The following TMEM243 variants were observed in gnomAD, a reference collection of about 807,000 sequenced individuals.
TMEM243 encodes transmembrane protein 243.
TMEM243 carries 20 observed loss-of-function variants against 15.0 expected under a neutral mutation model. The observed-to-expected ratio is 1.33, with a 90% CI of 0.94 to 1.93. The LOEUF is 1.93. TMEM243 is among the 30% of genes most tolerant of loss of function. The probability of loss-of-function intolerance (pLI) is 0.00; values close to 1 mark genes in which losing one functional copy is unlikely to be tolerated. For synonymous variants in TMEM243, 72 were observed against 52.7 expected (o/e 1.37, Z -1.59); for missense variants, 156 against 142.1 (o/e 1.10, Z -0.50).
At chr7:87,207,146 T>C (rs1158902486) in intron 1 of TMEM243, among the ~76,000 whole-genome samples, 1 of 152,238 alleles carries the variant, frequency 6.6e-6, no homozygotes, top group Non-Finnish European at 1.5e-5. Flanking sequence ...CACGTTTTCC[T>C]GAGTAGAAGC....
intron 1 of TMEM243, among the ~76,000 whole-genome samples, chr7:87,208,345 C>T (rs1802374342): frequency 6.6e-6 from 1 of 152,180 alleles, no homozygotes; most frequent in Non-Finnish European, 1.5e-5. Context: ...CTGGCCAAAA[C>T]AAAGGGGCTA....
chr7:87,197,323 G>A (rs1801376563), intron 3 of TMEM243, among the ~76,000 whole-genome samples: 1 of 150,226 alleles, frequency 6.7e-6, no homozygotes, highest in African/African-American at 2.5e-5. Context: ...AATTACTATT[G>A]TTTTTTCTTT....
intron 1 of TMEM243, among the ~76,000 whole-genome samples, chr7:87,200,738 A>G (rs1801738301): frequency 6.6e-6 from 1 of 152,190 alleles, no homozygotes. Flanking sequence ...GCTCAGGGAA[A>G]CTGAGAACTT....
chr7:87,207,262 CAG>C (rs1802297275), intron 1 of TMEM243, among the ~76,000 whole-genome samples: 1 of 152,326 alleles, frequency 6.6e-6, no homozygotes, highest in South Asian at 2.1e-4. Flanking sequence ...CCAACACTCC[CAG>C]AGAGGGGCAA....
At chr7:87,213,779 TTC>T (rs1289049914) in intron 1 of TMEM243, among the ~76,000 whole-genome samples, 9 of 45,722 alleles carry the variant, frequency 2.0e-4, no homozygotes, top group Non-Finnish European at 3.3e-4. Context: ...CTTTGTTTTC[TTC>T]TTTTTTTTTT....
At chr7:87,208,292 G>A (rs1802371534) in intron 1 of TMEM243, among the ~76,000 whole-genome samples, 1 of 152,240 alleles carries the variant, frequency 6.6e-6, no homozygotes, top group Non-Finnish European at 1.5e-5. Flanking sequence ...TACAATGGGA[G>A]TATAGGCATT....
Position 87,198,041 on chromosome 7 carries a change from G to A in TMEM243, c.134C>T (p.Thr45Met), listed in dbSNP as rs374589748. The A allele has an allele frequency of 2.5e-5, 41 of 1,611,416 alleles. No individual in the cohort carries two copies. Among genetic ancestry groups the A allele is most frequent in the African/African-American group, 6.7e-5 (5 of 74,724 alleles). ...GSLTSLLILV[T>M]LISAFVFPQL... ...AGGGAAAACAAAAGCACTTATCAGC[G>A]TTACCTGTATGAAGAGAAATTATGT... Residue 45 changes from threonine to methionine, a missense_variant, in exon 3 of 4, where the codon ACG (threonine) becomes ATG (methionine). Thr to Met is a moderately conservative substitution (Grantham distance 81). Transcript: ENST00000257637.
chr7:87,218,319 A>AG (rs1428158655), intron 1 of TMEM243, among the ~76,000 whole-genome samples: 1 of 152,250 alleles, frequency 6.6e-6, no homozygotes, highest in Non-Finnish European at 1.5e-5. Context: ...ATCTTCCTGG[A>AG]GATCGAGTTT....
In TMEM243 at chr7:87,197,701, TTTTTTTTTTTTTTTTA is replaced by T. The variant is rs1420772972; in HGVS notation, c.234+224_234+239del. The T allele has an allele frequency of 3.1e-5, 34 of 1,080,798 alleles. No individual in the cohort carries two copies. In the South Asian group the frequency reaches 3.4e-4, roughly 11 times the overall value. 67.0% of individuals were successfully genotyped at this position (1,080,798 alleles called of 1,614,324 possible). The stretch of plus-strand genomic sequence containing the variant: ...GTCTTTCCACTAATTTTTTTTTTTT[TTTTTTTTTTTTTTTTA>T]AGCTATCAAGGGAGTGGAATTTCTC... On this transcript the variant is annotated intron_variant, in intron 3 of 3. Coordinates refer to ENST00000257637, the MANE Select transcript of TMEM243 (RefSeq NM_024315.4).
rs192729011 is a variant in TMEM243 at position 87,205,355 on chromosome 7, T to C, written c.79-6298A>G. ...TTCTCCTCAGGATTTTTTTTTTTTT[T>C]CTATTGCATTGTCAGGCTGCAAGTT... On this transcript the variant is annotated intron_variant, in intron 1 of 3. Transcript: ENST00000257637. Among the ~76,000 whole-genome samples the C allele has an allele frequency of 4.4e-3, 670 of 152,166 alleles. 4 individuals are homozygous for C. The highest frequency in any genetic ancestry group is 0.011 in the Admixed American group (172 of 15,294).
At chr7:87,209,736 G>GTGAGAGCGAGACACAGT (rs1802559317) in intron 1 of TMEM243, among the ~76,000 whole-genome samples, 1 of 146,098 alleles carries the variant, frequency 6.8e-6, no homozygotes, top group South Asian at 2.1e-4. Flanking sequence ...GCGAGACACA[G>GTGAGAGCGAGACACAGT]TGAGAGCGAG....
At chr7:87,209,663 A>AGC (rs1802522258) in intron 1 of TMEM243, among the ~76,000 whole-genome samples, 1 of 23,760 alleles carries the variant, frequency 4.2e-5, no homozygotes, top group Admixed American at 4.8e-4. Flanking sequence ...AGACAGAGCG[A>AGC]GAGAGAGCGA....
intron 3 of TMEM243, among the ~76,000 whole-genome samples, chr7:87,196,962 C>T (rs1010876255): frequency 2.0e-5 from 3 of 151,972 alleles, no homozygotes; most frequent in Non-Finnish European, 2.9e-5. Flanking sequence ...CTTATTCCTA[C>T]TTTCTCAGTT....
intron 1 of TMEM243, among the ~76,000 whole-genome samples, chr7:87,210,053 G>C (rs565391370): frequency 8.6e-6 from 1 of 116,116 alleles, no homozygotes; most frequent in East Asian, 3.2e-4. Context: ...CAGAGGAGGG[G>C]AAGGGGGGAC....
chr7:87,210,720 G>A (rs1374511485), intron 1 of TMEM243, among the ~76,000 whole-genome samples: 1 of 152,234 alleles, frequency 6.6e-6, no homozygotes, highest in Non-Finnish European at 1.5e-5. Flanking sequence ...GTTCTGCAGG[G>A]TACAGCCCCC....
chr7:87,196,489 G>T lies in TMEM243; in HGVS notation c.*147C>A. 2 of 793,584 alleles carry T rather than the reference G, an allele frequency of 2.5e-6. No individual in the cohort carries two copies. Among genetic ancestry groups the T allele is most frequent in the South Asian group, 1.9e-5 (1 of 53,936 alleles). The allele number at this position is 793,584 out of a possible 1,614,324, so 49.2% of individuals were successfully genotyped here. A position where few individuals can be genotyped will look rare whatever the true frequency, so the allele number is the denominator to read the frequency against. ...AAGTGATCTAGGATATGTCTCCCTTGCAAGAGGGAATTAACATTTACAATT... is the reference window on the plus strand; with the variant it reads ...AAGTGATCTAGGATATGTCTCCCTTTCAAGAGGGAATTAACATTTACAATT... On this transcript the variant is annotated 3_prime_UTR_variant, in exon 4 of 4. Coordinates refer to ENST00000257637, the MANE Select transcript of TMEM243 (RefSeq NM_024315.4).
At position 87,196,378 on chromosome 7, in the gene TMEM243, A is replaced by G; in HGVS notation, c.*258T>C. The G allele has an allele frequency of 3.1e-6, 1 of 321,388 alleles. No homozygotes were observed. Among genetic ancestry groups the G allele is most frequent in the Non-Finnish European group, 5.6e-6 (1 of 177,464 alleles). The allele number at this position is 321,388 out of a possible 1,614,324, so 19.9% of individuals were successfully genotyped here. ...TTTGCCATACAATTATAAAAATTTC[A>G]TTTCAAAAGTGAAATTTTTTTGTGC... On this transcript the variant is annotated 3_prime_UTR_variant, in exon 4 of 4. Coordinates refer to ENST00000257637, the MANE Select transcript of TMEM243 (RefSeq NM_024315.4).
intron 1 of TMEM243, among the ~76,000 whole-genome samples, chr7:87,212,998 G>A (rs1802862275): frequency 6.6e-6 from 1 of 152,238 alleles, no homozygotes; most frequent in African/African-American, 2.4e-5. Flanking sequence ...GGATTACAGG[G>A]AAGGTTCTAA....
Position 87,218,074 on chromosome 7 carries a change from G to A in TMEM243, c.78+1352C>T, listed in dbSNP as rs1260741592. On this transcript the variant is annotated intron_variant, in intron 1 of 3. Transcript: ENST00000257637. ...AGATGGACAAATTTCTCATACAAAA[G>A]CAACCAGTTCTTGTCTGTACCCTAA... 2.6e-5 allele frequency among the ~76,000 whole-genome samples: 4 copies of A among 152,250 alleles called. No individual in the cohort carries two copies. In the East Asian group the frequency reaches 7.7e-4, roughly 29 times the overall value.
Sources: allele counts gnomAD v4.1 joint callset (sites outside exome capture counted in the v4.1 genomes callset), GRCh38; gene constraint gnomAD v4.1.1; transcripts MANE v1.5; gene names NCBI Gene and HGNC (gene_info 2026-07-23, HGNC 2026-07-21).